Variants in ABR observed in about 807,000 individuals in gnomAD.
The protein encoded by ABR is ABR activator of RhoGEF and GTPase.
ABR carries 35 observed loss-of-function variants against 107.2 expected under a neutral mutation model. The ratio of observed to expected loss-of-function variants is 0.33; its 90% CI spans 0.25 to 0.43. ABR has a LOEUF of 0.43. Among genes scored for constraint, ABR ranks in the 20% least tolerant of loss-of-function variants. The pLI is 1.00. For missense variants in ABR, 815 were observed against 1,115.2 expected (o/e 0.73, Z 3.83); for synonymous variants, 498 against 462.0 (o/e 1.08, Z -1.00).
intron 18 of ABR, 40 bp from the exon 19 acceptor site, chr17:1,012,025 C>A: frequency 1.2e-6 from 2 of 1,608,360 alleles, no homozygotes; most frequent in Non-Finnish European, 1.7e-6. Context: ...GCAGCCCCCA[C>A]GACAGCTCTC....
At chr17:1,205,049 G>A (rs1159893735) in intron 1 of ABR, among the ~76,000 whole-genome samples, 1 of 151,728 alleles carries the variant, frequency 6.6e-6, no homozygotes, top group Non-Finnish European at 1.5e-5. Flanking sequence ...GATAACGGGT[G>A]CACCACCACG....
chr17:1,111,713 T>G (rs932660175), intron 2 of ABR, among the ~76,000 whole-genome samples: 3 of 152,176 alleles, frequency 2.0e-5, no homozygotes, highest in Admixed American at 6.6e-5. Flanking sequence ...CCGCCTCCTG[T>G]AAATGTGGAG....
At chr17:1,020,383 G>A (rs868754239) in intron 16 of ABR, among the ~76,000 whole-genome samples, 1 of 152,198 alleles carries the variant, frequency 6.6e-6, no homozygotes, top group Admixed American at 6.5e-5. Flanking sequence ...GCATCCGGCC[G>A]ACTGTTTTCT....
intron 1 of ABR, among the ~76,000 whole-genome samples, chr17:1,141,113 T>G (rs1289916030): frequency 6.6e-6 from 1 of 152,060 alleles, no homozygotes; most frequent in Non-Finnish European, 1.5e-5. Context: ...GCCGAGTGGG[T>G]GTCGTAGGCA....
intron 16 of ABR, among the ~76,000 whole-genome samples, chr17:1,035,206 G>A (rs1332266080): frequency 2.6e-5 from 4 of 151,660 alleles, no homozygotes; most frequent in African/African-American, 9.7e-5. Flanking sequence ...AGCAAAAGCA[G>A]AAGTCTGAAT....
chr17:1,165,613 C>A (rs1215352322), intron 1 of ABR, among the ~76,000 whole-genome samples: 1 of 152,182 alleles, frequency 6.6e-6, no homozygotes, highest in Non-Finnish European at 1.5e-5. Flanking sequence ...CTCACTGCAA[C>A]CTCCGCCTCC....
chr17:1,010,559 C>T lies in ABR; in HGVS notation c.2236+170G>A. 3.6e-6 allele frequency: 3 copies of T among 835,890 alleles called. No homozygotes were observed. Among genetic ancestry groups the T allele is most frequent in the Non-Finnish European group, 3.6e-6 (2 of 550,558 alleles). The allele number at this position is 835,890 out of a possible 1,614,324, so 51.8% of individuals were successfully genotyped here. On this transcript the variant is annotated intron_variant, in intron 20 of 22. Transcript: ENST00000302538. This position sits in a 1 kb window ranked among gnomAD's most constrained non-coding sequence, Gnocchi z 4.1. ...AAAGGGCCCAGTGTCTGCACCAGGT[C>T]CCAGCAGGCCACACCTCACCCTCGG...
chr17:1,021,397 C>T (rs1252661192), intron 16 of ABR, among the ~76,000 whole-genome samples: 3 of 152,246 alleles, frequency 2.0e-5, no homozygotes, highest in Non-Finnish European at 4.4e-5. Flanking sequence ...CCCTCGGGGG[C>T]CGCCCCATCC....
intron 1 of ABR, among the ~76,000 whole-genome samples, chr17:1,195,886 G>A (rs965541761): frequency 2.0e-5 from 3 of 150,440 alleles, no homozygotes; most frequent in African/African-American, 7.5e-5. Context: ...ATTGTGGGGA[G>A]AGATCACTTG....
At position 1,058,799 on chromosome 17, in the gene ABR, C is replaced by G. The variant is rs777048412; in HGVS notation, c.1251G>C (p.Leu417=). ...GGATTGTGGGGGAGTTGAGCAGCAG[C>G]AGGAACTCATTCTCAAACATCTTCT... ...LKKKMFENEF[L]LLLNSPTIPF... The change falls in exon 11 of 23, where the codon CTG becomes CTC. Residue 417 remains leucine, a synonymous_variant. Transcript: ENST00000302538. 8 of 1,613,974 alleles carry G rather than the reference C, an allele frequency of 5.0e-6. No individual in the cohort carries two copies. The highest frequency in any genetic ancestry group is 6.8e-6 in the Non-Finnish European group (8 of 1,180,038).
At chr17:1,105,916 T>G (rs7217439) in intron 2 of ABR, among the ~76,000 whole-genome samples, 1 of 151,874 alleles carries the variant, frequency 6.6e-6, no homozygotes, top group East Asian at 1.9e-4. Flanking sequence ...TTAATCTGCA[T>G]TACAAAAGGG....
chr17:1,068,633 T>A (rs1394516281), intron 9 of ABR, among the ~76,000 whole-genome samples: 4 of 152,226 alleles, frequency 2.6e-5, no homozygotes, highest in African/African-American at 9.6e-5. Flanking sequence ...AATGAGCCTC[T>A]GCTCAAGGCA....
Position 1,106,190 on chromosome 17 carries a change from G to GCC in ABR, c.247-5457_247-5456dup, listed in dbSNP as rs397796738. ...GAAAACTGCAGCCAACTTTACCTCT[G>GCC]CCCCCCAGGAAGATGAAGCGTCTTG... On this transcript the variant is annotated intron_variant, in intron 2 of 22. Coordinates refer to ENST00000302538, the MANE Select transcript of ABR (RefSeq NM_021962.5). Among the ~76,000 whole-genome samples, 7 of 151,950 alleles carry GCC rather than the reference G, an allele frequency of 4.6e-5. No individual in the cohort carries two copies. The East Asian group carries it at 1.2e-3, about 25-fold the overall frequency.
chr17:1,193,925 ACCTCGTGATCTGC>A (rs1316863301), intron 1 of ABR, among the ~76,000 whole-genome samples: 6 of 151,826 alleles, frequency 4.0e-5, no homozygotes, highest in Admixed American at 6.6e-5. Flanking sequence ...TGATCTCCTG[ACCTCGTGATCTGC>A]CCACCTTGGC....
Position 1,192,742 on chromosome 17 carries a change from G to A in ABR, c.838+36051C>T, listed in dbSNP as rs189154286. 5.3e-5 allele frequency among the ~76,000 whole-genome samples: 8 copies of A among 152,086 alleles called. No homozygotes were observed. In the East Asian group the frequency reaches 7.7e-4, roughly 15 times the overall value. ...AGCCTGGCCAACATGGTGAAACCCC[G>A]TCTCTACTAAAAATACAAAAAAATA... On this transcript the variant is annotated intron_variant, in intron 1 of 22. Coordinates refer to the ABR transcript ENST00000574139.
At chr17:1,012,243 GAAA>G (rs1567565721) in intron 18 of ABR, 1 of 675,658 alleles carries the variant, frequency 1.5e-6, no homozygotes, top group East Asian at 2.9e-5. Flanking sequence ...AGACTCTAGG[GAAA>G]GAACGTCCCC....
Position 1,058,873 on chromosome 17 carries a change from G to C in ABR, c.1183-6C>G, listed in dbSNP as rs778444332. 1 of 1,614,032 alleles carries C rather than the reference G, an allele frequency of 6.2e-7. No individual in the cohort carries two copies. ...CTCTGGCCTTTGTTGGCTTTCTGCA[G>C]GAGATGGGGACACAGAGGGTTCCCC... is the stretch of plus-strand genomic sequence containing the variant. On this transcript the variant is annotated splice_region_variant and splice_polypyrimidine_tract_variant and intron_variant, in intron 10 of 22. Coordinates refer to ENST00000302538, the MANE Select transcript of ABR (RefSeq NM_021962.5).
chr17:1,047,393 C>G (rs563708630), intron 16 of ABR, among the ~76,000 whole-genome samples: 1 of 152,370 alleles, frequency 6.6e-6, no homozygotes, highest in Non-Finnish European at 1.5e-5. Context: ...GACTCGTCAC[C>G]CAGCCTGGCC....
rs2069839204 is a variant in ABR, at chr17:1,003,952, A to T, written c.*2128T>A. Reference sequence around the variant, plus strand: ...CCAGGTCTGGCACCTGACCCTCCCCACTCTGGGGGTGGGATTTATAAATAT... The same window carrying T: ...CCAGGTCTGGCACCTGACCCTCCCCTCTCTGGGGGTGGGATTTATAAATAT... On this transcript the variant is annotated 3_prime_UTR_variant, in exon 23 of 23. Coordinates refer to ENST00000302538, the MANE Select transcript of ABR (RefSeq NM_021962.5). The T allele has an allele frequency of 6.6e-6, 1 of 152,006 alleles. No homozygotes were observed. The highest frequency in any genetic ancestry group is 1.9e-4 in the East Asian group (1 of 5,186). 9.4% of individuals were successfully genotyped at this position (152,006 alleles called of 1,614,324 possible). A position where few individuals can be genotyped will look rare whatever the true frequency, so the allele number is the denominator to read the frequency against.
Sources: allele counts gnomAD v4.1 joint callset (sites outside exome capture counted in the v4.1 genomes callset), GRCh38; gene constraint gnomAD v4.1.1; non-coding constraint Gnocchi (gnomAD v3.1); transcripts MANE v1.5; gene names NCBI Gene and HGNC (gene_info 2026-07-23, HGNC 2026-07-21).